Variants in TBC1D32 observed in about 807,000 individuals in gnomAD.
The protein encoded by TBC1D32 is protein broad-minded.
TBC1D32 carries 151 observed loss-of-function variants against 170.3 expected under a neutral mutation model. The observed-to-expected ratio is 0.89, with a 90% CI of 0.78 to 1.01. The LOEUF is 1.01. TBC1D32 is among the 50% of genes least tolerant of loss of function. The pLI is 0.00. For missense variants in TBC1D32, 1,464 were observed against 1,457.1 expected, an observed-to-expected ratio of 1.00 and a Z score of -0.08; for synonymous variants, 498 against 488.0, an observed-to-expected ratio of 1.02 and a Z score of -0.27.
chr6:121,155,417 C>T (rs887754381), intron 24 of TBC1D32, among the ~76,000 whole-genome samples: 1 of 152,066 alleles, frequency 6.6e-6, no homozygotes, highest in African/African-American at 2.4e-5. Flanking sequence ...CTAGGGTTTT[C>T]TATGTATAGA....
chr6:121,209,793 G>C (rs188500231), intron 21 of TBC1D32, among the ~76,000 whole-genome samples: 1 of 152,254 alleles, frequency 6.6e-6, no homozygotes, highest in Non-Finnish European at 1.5e-5. Context: ...AATAAGCAAA[G>C]GTGGAGGGCA....
intron 21 of TBC1D32, among the ~76,000 whole-genome samples, chr6:121,210,674 G>T (rs953566855): frequency 6.6e-6 from 1 of 152,176 alleles, no homozygotes; most frequent in African/African-American, 2.4e-5. Context: ...AAAGATAGGA[G>T]ATTATGGGGG....
At chr6:121,245,150 C>T (rs1026441039) in intron 17 of TBC1D32, among the ~76,000 whole-genome samples, 1 of 152,216 alleles carries the variant, frequency 6.6e-6, no homozygotes, top group Non-Finnish European at 1.5e-5. Flanking sequence ...CAAATCACTA[C>T]AATTATAACC....
At chr6:121,327,835 C>T (rs915551298) in intron 1 of TBC1D32, among the ~76,000 whole-genome samples, 4 of 151,982 alleles carry the variant, frequency 2.6e-5, no homozygotes, top group African/African-American at 9.7e-5. Flanking sequence ...TAAACATGTC[C>T]ACAGACCAAA....
chr6:121,211,230 C>T (rs9490138), intron 21 of TBC1D32, among the ~76,000 whole-genome samples: 121,527 of 152,036 alleles, frequency 0.8, 48,971 homozygotes, highest in Admixed American at 0.84. Context: ...AGATAAGTAA[C>T]AGAAAAATGC....
chr6:121,241,616 C>G, intron 18 of TBC1D32, 64 bp from the exon 19 acceptor site: 4 of 1,317,670 alleles, frequency 3.0e-6, no homozygotes, highest in Non-Finnish European at 3.3e-6. Flanking sequence ...ACTAGACATT[C>G]CTTCAAGATG....
chr6:121,148,447 C>G (rs558423732), intron 24 of TBC1D32, among the ~76,000 whole-genome samples: 28 of 152,092 alleles, frequency 1.8e-4, no homozygotes, highest in African/African-American at 6.0e-4. Context: ...AATAAACATA[C>G]GTGTGCATGT....
chr6:121,095,894 T>A (rs1286978184), intron 30 of TBC1D32: 3 of 152,140 alleles, frequency 2.0e-5, no homozygotes, highest in African/African-American at 7.2e-5. Context: ...AAAATTTTCT[T>A]TTTTGTGTGT....
chr6:121,122,556 TA>T (rs57728251), intron 26 of TBC1D32, among the ~76,000 whole-genome samples: 10 of 148,530 alleles, frequency 6.7e-5, no homozygotes, highest in Admixed American at 2.0e-4. Flanking sequence ...TGAAGTGTGG[TA>T]AAAAAAAAAG....
intron 22 of TBC1D32, among the ~76,000 whole-genome samples, chr6:121,169,072 A>T (rs940756376): frequency 1.6e-4 from 24 of 152,182 alleles, no homozygotes; most frequent in Non-Finnish European, 2.6e-4. Context: ...AAAATATTTT[A>T]AAATTCACGT....
intron 30 of TBC1D32, among the ~76,000 whole-genome samples, chr6:121,100,173 T>C (rs1022833590): frequency 1.3e-5 from 2 of 151,958 alleles, no homozygotes; most frequent in Non-Finnish European, 2.9e-5. Flanking sequence ...TGCTGAAGAG[T>C]GCTTTACTTC....
chr6:121,143,785 C>T (rs1422232453), intron 24 of TBC1D32, among the ~76,000 whole-genome samples: 1 of 152,016 alleles, frequency 6.6e-6, no homozygotes, highest in East Asian at 1.9e-4. Flanking sequence ...TTTAACCAGA[C>T]ACATACCTGT....
At chr6:121,190,308 TC>T (rs1261857336) in intron 22 of TBC1D32, among the ~76,000 whole-genome samples, 1 of 136,660 alleles carries the variant, frequency 7.3e-6, no homozygotes, top group African/African-American at 2.8e-5. Context: ...TTCTTCCTAC[TC>T]TCCCATGCTC....
rs1481340021 is a variant in TBC1D32, at chr6:121,321,767, C to T, written c.183G>A (p.Gln61=). The change falls in exon 2 of 32, where the codon CAG becomes CAA. Residue 61 remains glutamine, a synonymous_variant. Transcript: ENST00000398212. ...HNYEFVKYLR[Q]HIGNTLGSMI... is the part of the protein sequence containing the mutation. ...TAGAACCCAAAGTGTTGCCTATATG[C>T]TGCCTGAGGTATTTCACAAATTCAT... The T allele has an allele frequency of 1.9e-6, 3 of 1,612,856 alleles. No homozygotes were observed.
intron 30 of TBC1D32, among the ~76,000 whole-genome samples, chr6:121,103,544 T>G (rs150534209): frequency 1.6e-5 from 2 of 123,060 alleles, no homozygotes; most frequent in Admixed American, 1.1e-4. Flanking sequence ...CGAGAACACA[T>G]AGACACAGGA....
Position 121,212,890 on chromosome 6 carries a change from T to C in TBC1D32, c.2482-7727A>G, listed in dbSNP as rs555737351. On this transcript the variant is annotated intron_variant, in intron 21 of 31. Transcript: ENST00000398212. ...CTTTACCCTTTGGATGCAAGGTTGG[T>C]TCAACATATGCAAATCAATAAACAT... 4.6e-5 allele frequency among the ~76,000 whole-genome samples: 7 copies of C among 152,254 alleles called. No homozygotes were observed. In the East Asian group the frequency reaches 1.2e-3, roughly 25 times the overall value.
At chr6:121,262,154 G>C (rs1372818690) in intron 15 of TBC1D32, among the ~76,000 whole-genome samples, 1 of 152,134 alleles carries the variant, frequency 6.6e-6, no homozygotes, top group Non-Finnish European at 1.5e-5. Context: ...ATGACTGATT[G>C]GAGTACCTAA....
intron 24 of TBC1D32, among the ~76,000 whole-genome samples, chr6:121,156,562 G>A (rs1281082756): frequency 6.6e-6 from 1 of 151,626 alleles, no homozygotes; most frequent in East Asian, 1.9e-4. Flanking sequence ...TGCTAACTCT[G>A]GAGTCAGGTG....
intron 20 of TBC1D32, among the ~76,000 whole-genome samples, chr6:121,236,639 T>G (rs1796361816): frequency 6.6e-6 from 1 of 152,114 alleles, no homozygotes; most frequent in Non-Finnish European, 1.5e-5. Context: ...ACAAAATATT[T>G]TTTAAAAAAT....
Sources: gnomAD v4.1 joint callset for allele counts (sites outside exome capture counted in the v4.1 genomes callset) on GRCh38, gnomAD v4.1.1 for gene constraint, MANE v1.5 for transcripts, NCBI Gene and HGNC (gene_info 2026-07-23, HGNC 2026-07-21) for gene names.